The following GPM6A variants were observed in gnomAD, a reference collection of about 807,000 sequenced individuals.
The protein encoded by GPM6A is neuronal membrane glycoprotein M6-a.
GPM6A carries 7 observed loss-of-function variants against 32.1 expected under a neutral mutation model. That is an observed-to-expected ratio of 0.22 (90% confidence interval 0.12 to 0.41). GPM6A has a LOEUF of 0.41. Among genes scored for constraint, GPM6A ranks in the 10% least tolerant of loss-of-function variants. The pLI, the probability that GPM6A is intolerant of heterozygous loss-of-function variation, is 1.00. For missense variants in GPM6A, 235 were observed against 347.2 expected, an observed-to-expected ratio of 0.68 and a Z score of 2.57; for synonymous variants, 130 against 123.4, an observed-to-expected ratio of 1.05 and a Z score of -0.35.
At chr4:175,754,117 C>A (rs1232924998) in intron 1 of GPM6A, among the ~76,000 whole-genome samples, 1 of 152,150 alleles carries the variant, frequency 6.6e-6, no homozygotes, top group East Asian at 1.9e-4. Flanking sequence ...GTAAATATTT[C>A]AATGACTTCT....
chr4:175,943,165 T>C (rs935841218), intron 1 of GPM6A, among the ~76,000 whole-genome samples: 4 of 152,366 alleles, frequency 2.6e-5, no homozygotes, highest in Admixed American at 6.5e-5. Context: ...AGCTCACTCA[T>C]GATTTGGCTC....
intron 1 of GPM6A, among the ~76,000 whole-genome samples, chr4:175,768,878 T>G (rs937061828): frequency 1.3e-5 from 2 of 152,076 alleles, no homozygotes; most frequent in Admixed American, 1.3e-4. Flanking sequence ...GGTGGATCAC[T>G]TGAGGTCAGG....
chr4:175,922,131 A>C (rs1485647738), intron 1 of GPM6A, among the ~76,000 whole-genome samples: 1 of 152,218 alleles, frequency 6.6e-6, no homozygotes, highest in Non-Finnish European at 1.5e-5. Flanking sequence ...CTAATACATC[A>C]GGATTAATGT....
At chr4:175,679,045 G>T (rs964842008) in intron 2 of GPM6A, among the ~76,000 whole-genome samples, 1 of 151,966 alleles carries the variant, frequency 6.6e-6, no homozygotes, top group African/African-American at 2.4e-5. Flanking sequence ...ATCTTTATTT[G>T]TATTTCAATT....
rs987558708 is a variant in GPM6A, at chr4:175,849,591, T to C, written c.-22-37342A>G. On this transcript the variant is annotated intron_variant, in intron 1 of 7. Transcript: ENST00000280187. ...CAGATTAACATGGAAACGGTTTCAT[T>C]GACAAAAAGATGAAAACAGTTGTAC... Among the ~76,000 whole-genome samples the C allele has an allele frequency of 3.3e-5, 5 of 152,204 alleles. No individual in the cohort carries two copies. The East Asian group carries it at 9.6e-4, about 29-fold the overall frequency.
At chr4:175,928,704 G>T (rs569849542) in intron 1 of GPM6A, among the ~76,000 whole-genome samples, 2 of 152,314 alleles carry the variant, frequency 1.3e-5, no homozygotes, top group East Asian at 3.9e-4. Flanking sequence ...GAAACTTTTG[G>T]CTATTTTGTT....
chr4:175,768,060 A>G (rs1239211477), intron 1 of GPM6A, among the ~76,000 whole-genome samples: 1 of 152,196 alleles, frequency 6.6e-6, no homozygotes, highest in Non-Finnish European at 1.5e-5. Flanking sequence ...GAGAAAACAC[A>G]ACAAAATTGG....
intron 1 of GPM6A, among the ~76,000 whole-genome samples, chr4:175,796,313 C>G (rs1477153300): frequency 6.6e-6 from 1 of 152,094 alleles, no homozygotes; most frequent in Non-Finnish European, 1.5e-5. Flanking sequence ...GGCGATATAA[C>G]ATGATCAATG....
chr4:175,928,623 C>T lies in GPM6A; in HGVS notation c.-23+73686G>A, dbSNP rs1029122942. Among the ~76,000 whole-genome samples, 9 of 152,270 alleles carry T rather than the reference C, an allele frequency of 5.9e-5. 1 individual carries two copies. Among genetic ancestry groups the T allele is most frequent in the South Asian group, 4.1e-4 (2 of 4,820 alleles). ...AATATTTACTGCCCAACGAAGTGGGCGCTGCAGTAGGCCTGGCTGGCATGT... is the reference window on the plus strand; with the variant it reads ...AATATTTACTGCCCAACGAAGTGGGTGCTGCAGTAGGCCTGGCTGGCATGT... On this transcript the variant is annotated intron_variant, in intron 1 of 7. Transcript: ENST00000280187.
At chr4:175,880,112 C>T (rs1737221550) in intron 1 of GPM6A, among the ~76,000 whole-genome samples, 1 of 152,146 alleles carries the variant, frequency 6.6e-6, no homozygotes, top group East Asian at 1.9e-4. Context: ...TATGGCTAGC[C>T]AGTTTTCCCA....
At chr4:175,727,709 AACTT>A (rs1340036605) in intron 1 of GPM6A, among the ~76,000 whole-genome samples, 1 of 152,156 alleles carries the variant, frequency 6.6e-6, no homozygotes, top group African/African-American at 2.4e-5. Flanking sequence ...CAATTATAAA[AACTT>A]ACGGCGTGGG....
intron 1 of GPM6A, among the ~76,000 whole-genome samples, chr4:175,790,109 C>T (rs986233329): frequency 3.9e-5 from 6 of 152,132 alleles, no homozygotes; most frequent in Non-Finnish European, 5.9e-5. Context: ...CTTGTTAGCA[C>T]TACATAAATA....
chr4:175,971,627 A>T (rs1439465569), intron 1 of GPM6A, among the ~76,000 whole-genome samples: 1 of 152,184 alleles, frequency 6.6e-6, no homozygotes, highest in Admixed American at 6.5e-5. Flanking sequence ...CTATCAAGAA[A>T]ACCAAACCAA....
intron 1 of GPM6A, among the ~76,000 whole-genome samples, chr4:175,809,722 G>A (rs1049420611): frequency 1.3e-5 from 2 of 152,134 alleles, no homozygotes; most frequent in Non-Finnish European, 1.5e-5. Flanking sequence ...GTCTTTTAAA[G>A]CTTGAGAGGG....
chr4:175,984,655 T>C (rs1740920649), intron 1 of GPM6A, among the ~76,000 whole-genome samples: 1 of 152,322 alleles, frequency 6.6e-6, no homozygotes, highest in East Asian at 1.9e-4. Flanking sequence ...ACTTTTCCTC[T>C]ATATTTTTAA....
rs147882707 is a variant in GPM6A at position 175,766,930 on chromosome 4, C to G, written c.37+45261G>C. Among the ~76,000 whole-genome samples, 789 of 152,104 alleles carry G rather than the reference C, an allele frequency of 5.2e-3. 6 individuals are homozygous for G. The highest frequency in any genetic ancestry group is 0.018 in the African/African-American group (746 of 41,494). ...TCGGCCTCCTAAAGTGCTGGGTTTT[C>G]AGGTGTAAGCCAGCACGCCTGGCCT... On this transcript the variant is annotated intron_variant, in intron 1 of 6. Coordinates refer to ENST00000393658, the MANE Select transcript of GPM6A (RefSeq NM_201591.3).
chr4:175,753,098 G>A (rs999463867), intron 1 of GPM6A, among the ~76,000 whole-genome samples: 4 of 152,042 alleles, frequency 2.6e-5, no homozygotes, highest in Non-Finnish European at 2.9e-5. Context: ...CAACTTTATC[G>A]TTTTGTCTGT....
chr4:175,721,148 A>AATATAT (rs3032644), intron 1 of GPM6A, among the ~76,000 whole-genome samples: 35 of 135,198 alleles, frequency 2.6e-4, no homozygotes, highest in African/African-American at 7.0e-4. Flanking sequence ...TATATATTCT[A>AATATAT]ATATATATAT....
At chr4:175,842,771 A>G (rs1735979913) in intron 1 of GPM6A, among the ~76,000 whole-genome samples, 1 of 152,144 alleles carries the variant, frequency 6.6e-6, no homozygotes, top group African/African-American at 2.4e-5. Flanking sequence ...TTTCTGCTCT[A>G]TGATGCTATA....
Sources: allele counts gnomAD v4.1 joint callset (sites outside exome capture counted in the v4.1 genomes callset), GRCh38; gene constraint gnomAD v4.1.1; transcripts MANE v1.5; gene names NCBI Gene and HGNC (gene_info 2026-07-23, HGNC 2026-07-21).